The following RPGRIP1L variants were observed in gnomAD, a reference collection of about 807,000 sequenced individuals.
RPGRIP1L encodes the protein RPGRIP1 like.
A neutral mutation model predicts 160.4 loss-of-function variants in RPGRIP1L; 131 were observed. That is an observed-to-expected ratio of 0.82 (90% confidence interval 0.71 to 0.94). The LOEUF is 0.94. RPGRIP1L is among the 40% of genes least tolerant of loss of function. The pLI, the probability that RPGRIP1L is intolerant of heterozygous loss-of-function variation, is 0.00. For missense variants in RPGRIP1L, 1,522 were observed against 1,535.8 expected, an observed-to-expected ratio of 0.99 and a Z score of 0.15; for synonymous variants, 510 against 515.8, an observed-to-expected ratio of 0.99 and a Z score of 0.15.
intron 6 of RPGRIP1L, among the ~76,000 whole-genome samples, chr16:53,680,528 A>C (rs1181007031): frequency 2.0e-5 from 3 of 152,042 alleles, no homozygotes; most frequent in African/African-American, 4.8e-5. Flanking sequence ...CCTCGACTGG[A>C]TCCTAGATCA....
intron 22 of RPGRIP1L, among the ~76,000 whole-genome samples, chr16:53,625,429 G>C (rs571932177): frequency 6.7e-6 from 1 of 148,846 alleles, no homozygotes; most frequent in Non-Finnish European, 1.5e-5. Context: ...CGTCTGGGGG[G>C]TGGGGTGGGG....
At chr16:53,605,452 C>T (rs1449936233) in intron 26 of RPGRIP1L, 29 bp downstream of exon 26, 2 of 1,613,660 alleles carry the variant, frequency 1.2e-6, no homozygotes, top group Admixed American at 1.7e-5. Flanking sequence ...TTGTTGGTTG[C>T]ACAAACTGAG....
chr16:53,690,886 A>T (rs989521323), intron 4 of RPGRIP1L, among the ~76,000 whole-genome samples: 1 of 152,146 alleles, frequency 6.6e-6, no homozygotes, highest in Non-Finnish European at 1.5e-5. Flanking sequence ...GTACTTTCTA[A>T]TTTATAATTC....
chr16:53,652,751 GA>G lies in RPGRIP1L; in HGVS notation c.1935del (p.Val647Ter), dbSNP rs749928306. The G allele has an allele frequency of 1.2e-6, 2 of 1,613,808 alleles. No homozygotes were observed. Among genetic ancestry groups the G allele is most frequent in the Non-Finnish European group, 1.7e-6 (2 of 1,179,820 alleles). ...TCGGGATGAAGGCCTCGCACTACGG[GA>G]GTTGTCTGTAGTTCAAAATCATAGA... Reference protein sequence around the residue: ...YAFYDFELQTTPVVRGLHPEY... With the variant: ...YAFYDFELQTXPVVRGLHPEY... On this transcript the variant is annotated frameshift_variant, in exon 15 of 27. Coordinates refer to ENST00000647211, the MANE Select transcript of RPGRIP1L (RefSeq NM_015272.5). LOFTEE classifies it high-confidence loss of function.
intron 26 of RPGRIP1L, among the ~76,000 whole-genome samples, chr16:53,603,811 C>T (rs1243254019): frequency 2.0e-5 from 3 of 151,986 alleles, no homozygotes; most frequent in Non-Finnish European, 4.4e-5. Context: ...TGAGTGGTCC[C>T]CAGCTCATTC....
chr16:53,659,085 C>A (rs1205176217), intron 10 of RPGRIP1L: 7 of 615,078 alleles, frequency 1.1e-5, no homozygotes, highest in Non-Finnish European at 1.9e-5. Flanking sequence ...GATTCACTTG[C>A]TCATCAAAAA....
chr16:53,619,671 T>G (rs1446986491), intron 23 of RPGRIP1L, among the ~76,000 whole-genome samples: 1 of 152,230 alleles, frequency 6.6e-6, no homozygotes, highest in African/African-American at 2.4e-5. Flanking sequence ...TGCTAATATA[T>G]GTAGCTATAT....
chr16:53,666,182 G>A (rs148736370), intron 9 of RPGRIP1L, among the ~76,000 whole-genome samples: 111 of 152,212 alleles, frequency 7.3e-4, no homozygotes, highest in African/African-American at 2.6e-3. Context: ...TTTTCTGGGA[G>A]GCATAGCTTC....
At position 53,652,552 on chromosome 16, in the gene RPGRIP1L, C is replaced by T; in HGVS notation, c.2135G>A (p.Cys712Tyr). Residue 712 changes from cysteine to tyrosine, a missense_variant, in exon 15 of 27, where the codon TGT becomes TAT. Cys to Tyr is a radical substitution (Grantham distance 194). Transcript: ENST00000647211. ...GTACTTACCAATCAAACTTGCTGTA[C>T]AAAATATTCGGCCGCTTTTTTCAAG... is the stretch of plus-strand genomic sequence containing the variant. The part of the protein sequence containing the change: ...EILEKSGRIF[C>Y]TASLIGTKGD... 18 of 1,611,690 alleles carry T rather than the reference C, an allele frequency of 1.1e-5. No individual in the cohort carries two copies. The highest frequency in any genetic ancestry group is 1.5e-5 in the Non-Finnish European group (18 of 1,178,454).
intron 19 of RPGRIP1L, among the ~76,000 whole-genome samples, chr16:53,639,727 A>G (rs1966083842): frequency 6.6e-6 from 1 of 152,182 alleles, no homozygotes; most frequent in East Asian, 1.9e-4. Context: ...TTCTAGTATC[A>G]ACTACATAGG....
Position 53,671,502 on chromosome 16 carries a change from C to A in RPGRIP1L, c.1103+8G>T, listed in dbSNP as rs564455571. The A allele has an allele frequency of 1.3e-6, 2 of 1,547,938 alleles. No individual in the cohort carries two copies. The highest frequency in any genetic ancestry group is 1.7e-4 in the Middle Eastern group (1 of 5,900). ...GACAATGAAAGAACACATGGAATCA[C>A]GATTTACCTGTCATAAAGTTTATCA... On this transcript the variant is annotated splice_region_variant and intron_variant, in intron 9 of 26. Coordinates refer to ENST00000647211, the MANE Select transcript of RPGRIP1L (RefSeq NM_015272.5).
At chr16:53,687,356 T>C (rs1452209624) in intron 5 of RPGRIP1L, among the ~76,000 whole-genome samples, 1 of 152,136 alleles carries the variant, frequency 6.6e-6, no homozygotes. Flanking sequence ...AAAAGTAAGC[T>C]AAATGTGGCA....
In RPGRIP1L at chr16:53,638,362, T is replaced by C. The variant is rs779323809; in HGVS notation, c.3008A>G (p.Glu1003Gly). The change falls in exon 20 of 27, where the codon GAG becomes GGG. Residue 1003 changes from glutamate to glycine, a missense_variant. Transcript: ENST00000647211. ...EDRKEISPEV[E>G]HIPEIEINML... is the part of the protein sequence containing the mutation. ...ATTAATTTCTATTTCTGGTATATGC[T>C]CTACCTCTGGTGAAATTTCCTTCCT... 1.2e-6 allele frequency: 2 copies of C among 1,601,080 alleles called. No homozygotes were observed. Among genetic ancestry groups the C allele is most frequent in the South Asian group, 2.2e-5 (2 of 90,724 alleles).
intron 2 of RPGRIP1L, among the ~76,000 whole-genome samples, chr16:53,698,344 G>T (rs1178926271): frequency 2.1e-5 from 3 of 143,636 alleles, no homozygotes; most frequent in Non-Finnish European, 4.5e-5. Context: ...CGCCCGGCCA[G>T]CCACCCCGTC....
intron 17 of RPGRIP1L, among the ~76,000 whole-genome samples, chr16:53,642,560 T>C (rs920079666): frequency 6.6e-6 from 1 of 152,050 alleles, no homozygotes; most frequent in South Asian, 2.1e-4. Flanking sequence ...GCTCAGCAAA[T>C]CTTCTCTAAA....
chr16:53,684,388 A>G (rs1369206878), intron 6 of RPGRIP1L, among the ~76,000 whole-genome samples: 2 of 152,220 alleles, frequency 1.3e-5, no homozygotes, highest in East Asian at 3.8e-4. Context: ...TGTGGCACAT[A>G]TACACCATGG....
rs937966610 is a variant in RPGRIP1L at position 53,622,187 on chromosome 16, A to G, written c.3432+32T>C. ...AGACCAGCATGGCCAACATAGTGAAACCCCGTCTCTGCTAAAATTACAAAA... is the reference window on the plus strand; with the variant it reads ...AGACCAGCATGGCCAACATAGTGAAGCCCCGTCTCTGCTAAAATTACAAAA... On this transcript the variant is annotated intron_variant, in intron 23 of 26. Transcript: ENST00000647211. 4.7e-6 allele frequency: 3 copies of G among 634,950 alleles called. No individual in the cohort carries two copies. In the South Asian group the frequency reaches 5.3e-5, roughly 11 times the overall value. The allele number at this position is 634,950 out of a possible 1,614,324, so 39.3% of individuals were successfully genotyped here. A position where few individuals can be genotyped will look rare whatever the true frequency, so the allele number is the denominator to read the frequency against.
intron 10 of RPGRIP1L, among the ~76,000 whole-genome samples, chr16:53,660,471 A>G (rs1292697400): frequency 1.3e-5 from 2 of 152,192 alleles, no homozygotes; most frequent in Non-Finnish European, 2.9e-5. Flanking sequence ...CTACATATAA[A>G]TAAAAATGTT....
chr16:53,628,569 T>G (rs1463625147), intron 22 of RPGRIP1L: 4 of 152,168 alleles, frequency 2.6e-5, no homozygotes. Flanking sequence ...TAATAACTGT[T>G]TAACTGTTTA....
Sources: allele counts gnomAD v4.1 joint callset (sites outside exome capture counted in the v4.1 genomes callset), GRCh38; gene constraint gnomAD v4.1.1; transcripts MANE v1.5; gene names NCBI Gene and HGNC (gene_info 2026-07-23, HGNC 2026-07-21).